Variants in PKN2 observed in about 807,000 individuals in gnomAD.
The protein encoded by PKN2 is serine/threonine-protein kinase N2.
A neutral mutation model predicts 119.1 loss-of-function variants in PKN2; 38 were observed. That is an observed-to-expected ratio of 0.32 (90% CI 0.25 to 0.42). PKN2 has a LOEUF of 0.42. Among genes scored for constraint, PKN2 ranks in the 10% least tolerant of loss-of-function variants. The probability of loss-of-function intolerance (pLI) is 1.00; values close to 1 mark genes in which losing one functional copy is unlikely to be tolerated. For missense variants in PKN2, 850 were observed against 1,165.1 expected (o/e 0.73, Z 3.94); for synonymous variants, 390 against 384.9 (o/e 1.01, Z -0.15).
Position 88,740,255 on chromosome 1 carries a change from C to T in PKN2, c.49-733C>T, listed in dbSNP as rs75862332. On this transcript the variant is annotated intron_variant, in intron 1 of 21. Coordinates refer to ENST00000370521, the MANE Select transcript of PKN2 (RefSeq NM_006256.4). Reference sequence around the variant, plus strand: ...TAAATGGAGTTCTGAATATAGTTTTCCCAAGCCCTAGTACATTTAATTCAT... The same window carrying T: ...TAAATGGAGTTCTGAATATAGTTTTTCCAAGCCCTAGTACATTTAATTCAT... Among the ~76,000 whole-genome samples the T allele has an allele frequency of 1.1e-3, 170 of 152,130 alleles. 1 individual carries two copies. The highest frequency in any genetic ancestry group is 3.9e-3 in the African/African-American group (163 of 41,520).
Position 88,821,994 on chromosome 1 carries a change from T to C in PKN2, c.2333T>C (p.Ile778Thr). ...LGLQYLHEHK[I>T]VYRDLKLDNL... Reference sequence around the variant, plus strand: ...TTGCAGTATTTACATGAACACAAAATTGTTTATAGGTAAGTTAATTTTTAA... The same window carrying C: ...TTGCAGTATTTACATGAACACAAAACTGTTTATAGGTAAGTTAATTTTTAA... Residue 778 changes from isoleucine (I) to threonine (T), a missense_variant, in exon 17 of 22, where the codon ATT (isoleucine) becomes ACT (threonine). Transcript: ENST00000370521. The C allele has an allele frequency of 6.4e-7, 1 of 1,571,630 alleles. No homozygotes were observed. The highest frequency in any genetic ancestry group is 8.6e-7 in the Non-Finnish European group (1 of 1,162,694).
At chr1:88,726,189 G>A (rs1667890974) in intron 1 of PKN2, among the ~76,000 whole-genome samples, 1 of 152,150 alleles carries the variant, frequency 6.6e-6, no homozygotes, top group Non-Finnish European at 1.5e-5. Context: ...TTAACTTACT[G>A]TAGTGGATAG....
rs141088198 is a variant in PKN2, at chr1:88,754,997, G to A, written c.350-5225G>A. Among the ~76,000 whole-genome samples the A allele has an allele frequency of 8.5e-3, 1,293 of 152,234 alleles. 20 individuals are homozygous for A. The highest frequency in any genetic ancestry group is 0.03 in the African/African-American group (1,236 of 41,532). Reference sequence around the variant, plus strand: ...AATATTAGCAATATATGCAGCAAATGGAAATTTGTTTTTTGTTGTAATCAT... The same window carrying A: ...AATATTAGCAATATATGCAGCAAATAGAAATTTGTTTTTTGTTGTAATCAT... On this transcript the variant is annotated intron_variant, in intron 2 of 21. Coordinates refer to ENST00000370521, the MANE Select transcript of PKN2 (RefSeq NM_006256.4).
rs1672910634 is a variant in PKN2 at position 88,835,561 on chromosome 1, T to C, written c.*2113T>C. On this transcript the variant is annotated 3_prime_UTR_variant, in exon 22 of 22. Coordinates refer to ENST00000370521, the MANE Select transcript of PKN2 (RefSeq NM_006256.4). Reference sequence around the variant, plus strand: ...CACTAATTTTTTGTAGTTTAAAATATATATATATTTTAGTCAGATTTAAAA... The same window carrying C: ...CACTAATTTTTTGTAGTTTAAAATACATATATATTTTAGTCAGATTTAAAA... The C allele has an allele frequency of 6.6e-6, 1 of 152,342 alleles. No homozygotes were observed. Among genetic ancestry groups the C allele is most frequent in the Admixed American group, 6.6e-5 (1 of 15,212 alleles). 9.4% of individuals were successfully genotyped at this position (152,342 alleles called of 1,614,324 possible). A position where few individuals can be genotyped will look rare whatever the true frequency, so the allele number is the denominator to read the frequency against.
intron 1 of PKN2, among the ~76,000 whole-genome samples, chr1:88,715,184 G>T (rs922065767): frequency 6.6e-6 from 1 of 152,088 alleles, no homozygotes; most frequent in Non-Finnish European, 1.5e-5. Flanking sequence ...CCAGTATTTT[G>T]TTGAGGATTT....
intron 1 of PKN2, among the ~76,000 whole-genome samples, chr1:88,699,767 TA>T (rs140847981): frequency 0.061 from 8,873 of 145,258 alleles, 484 homozygotes; most frequent in African/African-American, 0.17. Flanking sequence ...TTGTTCCTTT[TA>T]TTTTTTTTTT....
chr1:88,818,302 A>G (rs1367751774), intron 16 of PKN2, among the ~76,000 whole-genome samples: 1 of 152,206 alleles, frequency 6.6e-6, no homozygotes, highest in Non-Finnish European at 1.5e-5. Context: ...TAATTTATAG[A>G]TTCAATGCTA....
intron 16 of PKN2, among the ~76,000 whole-genome samples, 153 bp downstream of exon 16, chr1:88,813,886 T>C (rs918841529): frequency 2.0e-5 from 3 of 152,228 alleles, no homozygotes; most frequent in Non-Finnish European, 2.9e-5. Flanking sequence ...TTTTGCCATA[T>C]ACTTTTTGTA....
chr1:88,773,225 CT>C (rs529309827), intron 6 of PKN2, among the ~76,000 whole-genome samples: 246 of 144,454 alleles, frequency 1.7e-3, no homozygotes, highest in South Asian at 6.6e-3. Flanking sequence ...TTCTGTCAGT[CT>C]TTTTTTTTTT....
intron 16 of PKN2, among the ~76,000 whole-genome samples, chr1:88,818,659 A>G (rs985141607): frequency 1.3e-5 from 2 of 151,478 alleles, no homozygotes; most frequent in East Asian, 1.9e-4. Context: ...AAAAAAAAAA[A>G]AAAAGAAAAA....
chr1:88,757,472 T>C (rs1286674239), intron 2 of PKN2, among the ~76,000 whole-genome samples: 2 of 152,204 alleles, frequency 1.3e-5, no homozygotes, highest in East Asian at 3.8e-4. Context: ...ATGTGTTGAA[T>C]TAGTGAATTT....
intron 2 of PKN2, among the ~76,000 whole-genome samples, chr1:88,754,802 G>A (rs1045486177): frequency 1.3e-5 from 2 of 152,142 alleles, no homozygotes; most frequent in African/African-American, 4.8e-5. Flanking sequence ...TAACTCTAGT[G>A]CATTGTCTAC....
intron 1 of PKN2, among the ~76,000 whole-genome samples, chr1:88,715,223 T>C (rs1237030311): frequency 1.3e-5 from 2 of 152,176 alleles, no homozygotes; most frequent in Admixed American, 1.3e-4. Context: ...GGGATATTGG[T>C]TTAAAATTAT....
intron 8 of PKN2, 126 bp from the exon 9 acceptor site, chr1:88,804,265 G>A (rs1671446824): frequency 1.5e-6 from 1 of 681,270 alleles, no homozygotes; most frequent in African/African-American, 1.8e-5. Flanking sequence ...TTAAAACAGT[G>A]TGACCTTTGT....
chr1:88,788,346 C>T (rs893376653), intron 8 of PKN2, among the ~76,000 whole-genome samples: 1 of 152,024 alleles, frequency 6.6e-6, no homozygotes, highest in Non-Finnish European at 1.5e-5. Context: ...TTAGAAAAAA[C>T]GTTTTTAAAT....
intron 3 of PKN2, 114 bp from the exon 4 acceptor site, chr1:88,770,238 T>G: frequency 3.3e-6 from 2 of 605,962 alleles, no homozygotes; most frequent in Non-Finnish European, 6.0e-6. Context: ...CCAACAGCAT[T>G]CTTTTAACTC....
At chr1:88,705,534 A>C (rs1666959630) in intron 1 of PKN2, among the ~76,000 whole-genome samples, 1 of 75,056 alleles carries the variant, frequency 1.3e-5, no homozygotes, top group African/African-American at 9.7e-5. Context: ...TCTACTAAAA[A>C]TACAAAAAAA....
chr1:88,740,265 A>G (rs1365368321), intron 1 of PKN2, among the ~76,000 whole-genome samples: 4 of 152,248 alleles, frequency 2.6e-5, no homozygotes, highest in Admixed American at 6.5e-5. Flanking sequence ...CCCAAGCCCT[A>G]GTACATTTAA....
intron 1 of PKN2, among the ~76,000 whole-genome samples, chr1:88,706,472 T>G (rs1434971308): frequency 3.3e-5 from 5 of 152,182 alleles, no homozygotes; most frequent in Non-Finnish European, 7.4e-5. Context: ...TTATTTCTTT[T>G]TCTTGCTTGG....
Sources: allele counts gnomAD v4.1 joint callset (sites outside exome capture counted in the v4.1 genomes callset), GRCh38; gene constraint gnomAD v4.1.1; transcripts MANE v1.5; gene names NCBI Gene and HGNC (gene_info 2026-07-23, HGNC 2026-07-21).